TMEM232: variants seen among roughly 807,000 people sequenced by gnomAD.
The protein encoded by TMEM232 is transmembrane protein 232.
In TMEM232, 80 loss-of-function variants were observed where a neutral mutation model predicts 78.8. That is an observed-to-expected ratio of 1.01 (90% CI 0.85 to 1.22). The LOEUF (loss-of-function observed/expected upper bound fraction) is 1.22, where lower values mean the gene tolerates loss of function less well. TMEM232 is among the 50% of genes most tolerant of loss of function. The pLI, the probability that TMEM232 is intolerant of heterozygous loss-of-function variation, is 0.00. For missense variants in TMEM232, 881 were observed against 742.2 expected, an observed-to-expected ratio of 1.19 and a Z score of -2.17; for synonymous variants, 297 against 254.3, an observed-to-expected ratio of 1.17 and a Z score of -1.60.
At chr5:110,714,239 T>C (rs1030448470) in intron 1 of TMEM232, among the ~76,000 whole-genome samples, 3 of 152,172 alleles carry the variant, frequency 2.0e-5, no homozygotes, top group Admixed American at 1.3e-4. Context: ...GATTACAACC[T>C]TGTCCATCAG....
At chr5:110,499,338 G>C (rs534292395) in intron 12 of TMEM232, among the ~76,000 whole-genome samples, 21 of 152,146 alleles carry the variant, frequency 1.4e-4, no homozygotes, top group Admixed American at 3.3e-4. Flanking sequence ...TGACACCCCG[G>C]CTGAGTGCAG....
chr5:110,467,336 C>A (rs981141875), intron 12 of TMEM232, among the ~76,000 whole-genome samples: 8 of 152,178 alleles, frequency 5.3e-5, no homozygotes, highest in African/African-American at 1.7e-4. Context: ...AGGTAGGAGC[C>A]TCCTGGTAGA....
chr5:110,438,256 G>T (rs1479324784), intron 12 of TMEM232, among the ~76,000 whole-genome samples: 1 of 151,494 alleles, frequency 6.6e-6, no homozygotes, highest in Non-Finnish European at 1.5e-5. Flanking sequence ...TACCAACTGG[G>T]TTTGACACTA....
At chr5:110,629,292 A>G (rs1454519219) in intron 5 of TMEM232, among the ~76,000 whole-genome samples, 1 of 152,124 alleles carries the variant, frequency 6.6e-6, no homozygotes, top group Non-Finnish European at 1.5e-5. Context: ...AAAATACATG[A>G]CAAGCATGTC....
intron 11 of TMEM232, among the ~76,000 whole-genome samples, chr5:110,545,614 G>T (rs1199108061): frequency 6.6e-6 from 1 of 151,954 alleles, no homozygotes; most frequent in African/African-American, 2.4e-5. Context: ...GGAAAATAGG[G>T]ACTAATACTG....
chr5:110,713,266 G>T (rs747008797), intron 1 of TMEM232, among the ~76,000 whole-genome samples: 1 of 151,958 alleles, frequency 6.6e-6, no homozygotes, highest in Admixed American at 6.6e-5. Flanking sequence ...GTAAGTGGTG[G>T]GACAGAAGTG....
intron 5 of TMEM232, among the ~76,000 whole-genome samples, chr5:110,631,931 C>T (rs573252231): frequency 5.3e-4 from 80 of 151,714 alleles, no homozygotes; most frequent in Middle Eastern, 3.4e-3. Context: ...TACCTAGAGG[C>T]GCAAGAATTG....
chr5:110,697,976 A>T (rs1794995355), intron 1 of TMEM232, among the ~76,000 whole-genome samples: 1 of 152,186 alleles, frequency 6.6e-6, no homozygotes, highest in Admixed American at 6.5e-5. Flanking sequence ...TGCTATAAAG[A>T]CACATGCACA....
At chr5:110,656,185 C>T (rs1789030149) in intron 2 of TMEM232, among the ~76,000 whole-genome samples, 2 of 152,152 alleles carry the variant, frequency 1.3e-5, no homozygotes, top group Admixed American at 6.6e-5. Flanking sequence ...CAGAAAGCTG[C>T]ATGTTCACCA....
At chr5:110,626,239 A>C (rs922052434) in intron 6 of TMEM232, among the ~76,000 whole-genome samples, 12 of 151,874 alleles carry the variant, frequency 7.9e-5, no homozygotes, top group Admixed American at 2.6e-4. Context: ...TGAGAACTTG[A>C]GCTTTTTACT....
Position 110,620,635 on chromosome 5 carries a change from CTCT to C in TMEM232, c.769-2076_769-2074del, listed in dbSNP as rs1783572563. ...TCTCTCTCTCTCTCTCTCTCTCTCT[CTCT>C]CCTCTCTCCTCTCTCTCTCTCCTCC... On this transcript the variant is annotated intron_variant, in intron 7 of 13. Transcript: ENST00000455884. 9.4e-5 allele frequency among the ~76,000 whole-genome samples: 11 copies of C among 116,888 alleles called. 1 individual carries two copies. Among genetic ancestry groups the C allele is most frequent in the African/African-American group, 3.6e-4 (10 of 27,944 alleles). 76.7% of individuals were successfully genotyped at this position (116,888 alleles called of 152,430 possible).
chr5:110,691,576 C>T (rs940762031), intron 1 of TMEM232, among the ~76,000 whole-genome samples: 1 of 152,124 alleles, frequency 6.6e-6, no homozygotes, highest in South Asian at 2.1e-4. Context: ...AAAAACTAGG[C>T]CTACATACTA....
At chr5:110,509,452 G>A (rs1051613116) in intron 12 of TMEM232, among the ~76,000 whole-genome samples, 2 of 151,944 alleles carry the variant, frequency 1.3e-5, no homozygotes, top group African/African-American at 4.8e-5. Context: ...AAGTCTGATA[G>A]ACTAGTAAAA....
intron 1 of TMEM232, among the ~76,000 whole-genome samples, chr5:110,682,162 G>A (rs1436051943): frequency 6.6e-6 from 1 of 151,838 alleles, no homozygotes; most frequent in East Asian, 1.9e-4. Context: ...TCCTGAATCA[G>A]CAAAAGATGA....
At chr5:110,515,590 C>G (rs1768496307) in intron 12 of TMEM232, among the ~76,000 whole-genome samples, 1 of 152,186 alleles carries the variant, frequency 6.6e-6, no homozygotes, top group South Asian at 2.1e-4. Flanking sequence ...CTCCAGCACC[C>G]CTAATCAATG....
intron 12 of TMEM232, among the ~76,000 whole-genome samples, chr5:110,503,135 A>C (rs932544684): frequency 4.6e-5 from 7 of 152,188 alleles, no homozygotes; most frequent in African/African-American, 7.2e-5. Context: ...ATGATCCCAA[A>C]GCTTAACAGA....
chr5:110,492,752 CAGAG>C (rs547242017), intron 12 of TMEM232, among the ~76,000 whole-genome samples: 1 of 152,012 alleles, frequency 6.6e-6, no homozygotes, highest in African/African-American at 2.4e-5. Context: ...CAATACTCTA[CAGAG>C]AGATATTAGA....
chr5:110,665,447 C>T (rs1396252895), intron 2 of TMEM232, among the ~76,000 whole-genome samples: 2 of 151,938 alleles, frequency 1.3e-5, no homozygotes, highest in African/African-American at 4.8e-5. Flanking sequence ...CACAGTTCCG[C>T]ATGGCTGGGG....
At chr5:110,579,443 C>T (rs1489917193) in intron 10 of TMEM232, among the ~76,000 whole-genome samples, 1 of 151,284 alleles carries the variant, frequency 6.6e-6, no homozygotes, top group Non-Finnish European at 1.5e-5. Flanking sequence ...ATACTTAATA[C>T]TACACTTAAT....
Sources: gnomAD v4.1 joint callset for allele counts (sites outside exome capture counted in the v4.1 genomes callset) on GRCh38, gnomAD v4.1.1 for gene constraint, MANE v1.5 for transcripts, NCBI Gene and HGNC (gene_info 2026-07-23, HGNC 2026-07-21) for gene names.